The following ZSCAN22 variants were observed in gnomAD, a reference collection of about 807,000 sequenced individuals.
The protein encoded by ZSCAN22 is zinc finger and SCAN domain-containing protein 22.
ZSCAN22 carries 7 observed loss-of-function variants against 12.4 expected under a neutral mutation model. The ratio of observed to expected loss-of-function variants is 0.57; its 90% CI spans 0.32 to 1.06. The LOEUF is 1.06. ZSCAN22 is among the 50% of genes least tolerant of loss of function. The pLI is 0.04. For synonymous variants in ZSCAN22, 243 were observed against 255.9 expected (o/e 0.95, Z 0.48); for missense variants, 576 against 631.7 (o/e 0.91, Z 0.94).
intron 1 of ZSCAN22, among the ~76,000 whole-genome samples, chr19:58,331,398 G>C (rs2051722442): frequency 6.7e-6 from 1 of 150,202 alleles, no homozygotes; most frequent in South Asian, 2.1e-4. Context: ...CATATTTTTA[G>C]TAGAGATGGG....
In ZSCAN22 at chr19:58,339,375, A is replaced by T; in HGVS notation, c.*49A>T. The stretch of plus-strand genomic sequence containing the variant: ...AGCACAGCGTCTTCTCGGAGGCTCG[A>T]GGTCTAAGAGAAACGCTGAGTTCCT... On this transcript the variant is annotated 3_prime_UTR_variant, in exon 3 of 3. Coordinates refer to ENST00000329665, the MANE Select transcript of ZSCAN22 (RefSeq NM_181846.3). This position sits in a 1 kb window ranked among gnomAD's most constrained non-coding sequence, Gnocchi z 5.6. The T allele has an allele frequency of 1.3e-6, 2 of 1,496,648 alleles. No individual in the cohort carries two copies. The highest frequency in any genetic ancestry group is 1.8e-6 in the Non-Finnish European group (2 of 1,115,470). 92.7% of individuals were successfully genotyped at this position (1,496,648 alleles called of 1,614,324 possible). A position where few individuals can be genotyped will look rare whatever the true frequency, so the allele number is the denominator to read the frequency against.
chr19:58,331,767 G>A (rs1412053616), intron 1 of ZSCAN22, among the ~76,000 whole-genome samples: 2 of 151,768 alleles, frequency 1.3e-5, no homozygotes, highest in Admixed American at 6.6e-5. Context: ...GGATGGTCTC[G>A]ATCTCTTGAC....
At chr19:58,334,715 G>C in intron 1 of ZSCAN22, 37 bp from the exon 2 acceptor site, 2 of 1,426,164 alleles carry the variant, frequency 1.4e-6, no homozygotes, top group Non-Finnish European at 1.9e-6. Flanking sequence ...GCAGGGCCCA[G>C]GTTCCATGTG....
Position 58,338,664 on chromosome 19 carries a change from G to A in ZSCAN22, c.814G>A (p.Glu272Lys), listed in dbSNP as rs1219522681. The A allele has an allele frequency of 8.7e-6, 14 of 1,614,094 alleles. No individual in the cohort carries two copies. The East Asian group carries it at 1.3e-4, about 15-fold the overall frequency. ...AGGGAAGAGGTCCTCCAAGTGTCGCGAGTGTAGGAAGATGTTCCAGAGTGC... is the reference window on the plus strand; with the variant it reads ...AGGGAAGAGGTCCTCCAAGTGTCGCAAGTGTAGGAAGATGTTCCAGAGTGC... ...YSGKRSSKCR[E>K]CRKMFQSASA... The change falls in exon 3 of 3, where the codon GAG becomes AAG. Residue 272 changes from glutamate (E) to lysine (K), a missense_variant. Glu to Lys is a moderately conservative substitution (Grantham distance 56, BLOSUM62 1). Coordinates refer to ENST00000329665, the MANE Select transcript of ZSCAN22 (RefSeq NM_181846.3). The surrounding 1 kb of genome is among the most constrained non-coding windows in gnomAD (Gnocchi z 5.4).
At chr19:58,328,332 G>C (rs924459054) in intron 1 of ZSCAN22, among the ~76,000 whole-genome samples, 3 of 152,228 alleles carry the variant, frequency 2.0e-5, no homozygotes, top group Non-Finnish European at 2.9e-5. Context: ...AAGCATATGA[G>C]AGAGGATTTG....
In ZSCAN22 at chr19:58,341,856, C is replaced by CT. The variant is rs1423668219; in HGVS notation, c.*2533dup. On this transcript the variant is annotated 3_prime_UTR_variant, in exon 3 of 3. Coordinates refer to ENST00000329665, the MANE Select transcript of ZSCAN22 (RefSeq NM_181846.3). ...TACTTTTGGGACCTAAGATAAGTGA[C>CT]TTTCCTGAACCTCCATGACCTCCTC... 9 of 152,242 alleles carry CT rather than the reference C, an allele frequency of 5.9e-5. No homozygotes were observed. Among genetic ancestry groups the CT allele is most frequent in the Admixed American group, 1.3e-4 (2 of 15,278 alleles). 9.4% of individuals were successfully genotyped at this position (152,242 alleles called of 1,614,324 possible).
intron 1 of ZSCAN22, among the ~76,000 whole-genome samples, chr19:58,333,745 G>A (rs1304794427): frequency 1.3e-5 from 2 of 152,236 alleles, no homozygotes; most frequent in Non-Finnish European, 2.9e-5. Flanking sequence ...TTGGGAGGCT[G>A]AGGCAGGAGG....
Position 58,335,171 on chromosome 19 carries a change from G to C in ZSCAN22, c.369G>C (p.Leu123=). ...AGAGCGGAGAGGAAGCCGCTGTGCT[G>C]GTGGAGGATCTGACTCAGGTGCTGG... ...SPKSGEEAAV[L]VEDLTQVLDK... Residue 123 remains leucine, a synonymous_variant, in exon 2 of 3, where the codon CTG becomes CTC. Transcript: ENST00000329665. The surrounding 1 kb of genome is among the most constrained non-coding windows in gnomAD (Gnocchi z 4.1). 1 of 1,610,006 alleles carries C rather than the reference G, an allele frequency of 6.2e-7. No homozygotes were observed. Among genetic ancestry groups the C allele is most frequent in the East Asian group, 2.2e-5 (1 of 44,792 alleles).
chr19:58,332,030 C>T (rs561786536), intron 1 of ZSCAN22, among the ~76,000 whole-genome samples: 3 of 152,132 alleles, frequency 2.0e-5, no homozygotes, highest in East Asian at 1.9e-4. Context: ...TGCACCACCA[C>T]GCCCGGCTGA....
rs895093293 is a variant in ZSCAN22 at position 58,329,076 on chromosome 19, C to T, written c.-52+1962C>T. ...GAGGCCTAGAGAGCCCAGAGGAATCCGTCAGAGACGGATTTCAGAACTCGA... is the reference window on the plus strand; with the variant it reads ...GAGGCCTAGAGAGCCCAGAGGAATCTGTCAGAGACGGATTTCAGAACTCGA... On this transcript the variant is annotated intron_variant, in intron 1 of 2. Coordinates refer to ENST00000329665, the MANE Select transcript of ZSCAN22 (RefSeq NM_181846.3). This position sits in a 1 kb window ranked among gnomAD's most constrained non-coding sequence, Gnocchi z 4.1. Among the ~76,000 whole-genome samples, 1 of 152,030 alleles carries T rather than the reference C, an allele frequency of 6.6e-6. No individual in the cohort carries two copies. Among genetic ancestry groups the T allele is most frequent in the East Asian group, 1.9e-4 (1 of 5,186 alleles).
chr19:58,334,695 T>C (rs1337549440), intron 1 of ZSCAN22, 57 bp from the exon 2 acceptor site: 17 of 1,281,154 alleles, frequency 1.3e-5, no homozygotes, highest in Admixed American at 8.2e-5. Context: ...CCCTGCTCTG[T>C]AGGCATGAGG....
Position 58,338,522 on chromosome 19 carries a change from T to C in ZSCAN22, c.672T>C (p.Gly224=), listed in dbSNP as rs147031609. 8.8e-4 allele frequency: 1,418 copies of C among 1,614,212 alleles called. 3 individuals carry two copies. Among genetic ancestry groups the C allele is most frequent in the Non-Finnish European group, 1.1e-3 (1,287 of 1,180,042 alleles). ...VPTDQRGRES[G]ASRNSSSAWP... ...CAGACCAGCGTGGCCGTGAATCTGG[T>C]GCCTCGAGGAACAGTTCTAGTGCGT... The change falls in exon 3 of 3, where the codon GGT becomes GGC. Residue 224 remains glycine, a synonymous_variant. Coordinates refer to ENST00000329665, the MANE Select transcript of ZSCAN22 (RefSeq NM_181846.3). This position sits in a 1 kb window ranked among gnomAD's most constrained non-coding sequence, Gnocchi z 5.4.
At position 58,341,730 on chromosome 19, in the gene ZSCAN22, G is replaced by A. The variant is rs947745151; in HGVS notation, c.*2404G>A. ...AGGGGAAAACTCAGAGAGGAGAGATGCACATTCCTAGTGAAATTGCACAGG... is the reference window on the plus strand; with the variant it reads ...AGGGGAAAACTCAGAGAGGAGAGATACACATTCCTAGTGAAATTGCACAGG... On this transcript the variant is annotated 3_prime_UTR_variant, in exon 3 of 3. Coordinates refer to ENST00000329665, the MANE Select transcript of ZSCAN22 (RefSeq NM_181846.3). 1 of 152,252 alleles carries A rather than the reference G, an allele frequency of 6.6e-6. No individual in the cohort carries two copies. Among genetic ancestry groups the A allele is most frequent in the African/African-American group, 2.4e-5 (1 of 41,466 alleles). 9.4% of individuals were successfully genotyped at this position (152,252 alleles called of 1,614,324 possible). A position where few individuals can be genotyped will look rare whatever the true frequency, so the allele number is the denominator to read the frequency against.
At position 58,332,643 on chromosome 19, in the gene ZSCAN22, T is replaced by G. The variant is rs193208424; in HGVS notation, c.-51-2109T>G. Among the ~76,000 whole-genome samples the G allele has an allele frequency of 6.0e-4, 91 of 152,312 alleles. 1 individual carries two copies. The highest frequency in any genetic ancestry group is 2.1e-4 in the Non-Finnish European group (14 of 68,030). Reference sequence around the variant, plus strand: ...CCATGTTGTAGCATTAATCAGTACTTCATTTCTGTTTATGGTGAATAGTGT... The same window carrying G: ...CCATGTTGTAGCATTAATCAGTACTGCATTTCTGTTTATGGTGAATAGTGT... On this transcript the variant is annotated intron_variant, in intron 1 of 2. Coordinates refer to ENST00000329665, the MANE Select transcript of ZSCAN22 (RefSeq NM_181846.3).
intron 1 of ZSCAN22, among the ~76,000 whole-genome samples, chr19:58,331,518 GTTATTATTATTATTATTA>G (rs74179462): frequency 0.011 from 1,289 of 119,440 alleles, 26 homozygotes; most frequent in African/African-American, 0.04. Flanking sequence ...TCCAGCTGAC[GTTATTATTATTATTATTA>G]TTATTATTAT....
rs1298278269 is a variant in ZSCAN22, at chr19:58,339,113, A to C, written c.1263A>C (p.Ser421=). ...DACGRAFSDC[S]ALIRHLRIHS... Reference sequence around the variant, plus strand: ...GTGGCCGAGCCTTCAGCGACTGCTCAGCCCTGATCCGACATCTGAGAATCC... The same window carrying C: ...GTGGCCGAGCCTTCAGCGACTGCTCCGCCCTGATCCGACATCTGAGAATCC... The change falls in exon 3 of 3, where the codon TCA becomes TCC. Residue 421 remains serine, a synonymous_variant. Transcript: ENST00000329665. The surrounding 1 kb of genome is among the most constrained non-coding windows in gnomAD (Gnocchi z 5.6). 1.9e-6 allele frequency: 3 copies of C among 1,614,152 alleles called. No individual in the cohort carries two copies. Among genetic ancestry groups the C allele is most frequent in the African/African-American group, 2.7e-5 (2 of 74,958 alleles).
At position 58,338,975 on chromosome 19, in the gene ZSCAN22, G is replaced by C. The variant is rs59054150; in HGVS notation, c.1125G>C (p.Thr375=). The C allele has an allele frequency of 0.065, 105,262 of 1,613,850 alleles. 5,068 individuals carry two copies. The highest frequency in any genetic ancestry group is 0.19 in the African/African-American group (14,299 of 74,984). Residue 375 remains threonine, a synonymous_variant, in exon 3 of 3, where the codon ACG becomes ACC. Coordinates refer to ENST00000329665, the MANE Select transcript of ZSCAN22 (RefSeq NM_181846.3). This position sits in a 1 kb window ranked among gnomAD's most constrained non-coding sequence, Gnocchi z 5.4. The stretch of plus-strand genomic sequence containing the variant: ...TCACCCAGCACCAGCGGGTGCACAC[G>C]GGGGAGCGGCCCTACGAGTGTGACG... ...THLTQHQRVH[T]GERPYECDAC... is the part of the protein sequence containing the mutation.
At position 58,335,756 on chromosome 19, in the gene ZSCAN22, C is replaced by T. The variant is rs1035999015; in HGVS notation, c.403+551C>T. On this transcript the variant is annotated intron_variant, in intron 2 of 2. Transcript: ENST00000329665. The surrounding 1 kb of genome is among the most constrained non-coding windows in gnomAD (Gnocchi z 4.1). ...ACGAGGGCCTGGGTGCCTGGGGTGG[C>T]TGTTGGGGGTGACGGAAATACCAGA... 1.3e-4 allele frequency among the ~76,000 whole-genome samples: 20 copies of T among 152,196 alleles called. No individual in the cohort carries two copies. The highest frequency in any genetic ancestry group is 4.1e-4 in the African/African-American group (17 of 41,456).
Position 58,330,559 on chromosome 19 carries a change from G to A in ZSCAN22, c.-52+3445G>A, listed in dbSNP as rs1480823271. On this transcript the variant is annotated intron_variant, in intron 1 of 2. Transcript: ENST00000329665. ...GTTCTAGAATTTGGAAAGGCTTTGA[G>A]TGTGGAGGAAAGATCGCAGATAGCC... 5.9e-5 allele frequency among the ~76,000 whole-genome samples: 9 copies of A among 152,228 alleles called. No homozygotes were observed. The South Asian group carries it at 8.3e-4, about 14-fold the overall frequency.
Sources: allele counts gnomAD v4.1 joint callset (sites outside exome capture counted in the v4.1 genomes callset), GRCh38; gene constraint gnomAD v4.1.1; non-coding constraint Gnocchi (gnomAD v3.1); transcripts MANE v1.5; gene names NCBI Gene and HGNC (gene_info 2026-07-23, HGNC 2026-07-21).